The following DTX1 variants were observed in gnomAD, a reference collection of about 807,000 sequenced individuals.
DTX1 encodes the protein E3 ubiquitin-protein ligase DTX1.
DTX1 carries 26 observed loss-of-function variants against 57.8 expected under a neutral mutation model. The observed-to-expected ratio is 0.45, with a 90% CI of 0.33 to 0.62. The LOEUF (loss-of-function observed/expected upper bound fraction) is 0.62. DTX1 is among the 20% of genes least tolerant of loss of function. The probability of loss-of-function intolerance (pLI) is 0.02; values close to 1 mark genes in which losing one functional copy is unlikely to be tolerated. For synonymous variants in DTX1, 398 were observed against 394.1 expected (o/e 1.01, Z -0.12); for missense variants, 704 against 895.3 (o/e 0.79, Z 2.73).
Position 113,096,705 on chromosome 12 carries a change from G to C in DTX1, c.1639-10G>C, listed in dbSNP as rs1432523464. ...CTCCTCCCGGCCCCACTGTGTCCCT[G>C]TCCCCCCAGGTGCTGCGGCTGCTCA... On this transcript the variant is annotated splice_polypyrimidine_tract_variant and intron_variant, in intron 9 of 9. Transcript: ENST00000548759. 6.2e-6 allele frequency: 10 copies of C among 1,606,954 alleles called. No individual in the cohort carries two copies. The highest frequency in any genetic ancestry group is 1.6e-4 in the Middle Eastern group (1 of 6,068).
chr12:113,057,146 C>T (rs534370964), intron 1 of DTX1, among the ~76,000 whole-genome samples: 5 of 152,098 alleles, frequency 3.3e-5, no homozygotes, highest in East Asian at 3.9e-4. Context: ...CATCCCCGTG[C>T]TTCCCGGCGC....
At chr12:113,061,485 C>T (rs1410700969) in intron 2 of DTX1, among the ~76,000 whole-genome samples, 1 of 152,212 alleles carries the variant, frequency 6.6e-6, no homozygotes, top group Admixed American at 6.5e-5. Context: ...AGGGAGCAGA[C>T]CTGAGTGCCA....
intron 2 of DTX1, among the ~76,000 whole-genome samples, chr12:113,059,902 G>A (rs529545336): frequency 1.3e-5 from 2 of 152,348 alleles, no homozygotes; most frequent in East Asian, 3.9e-4. Context: ...AGCCACATGT[G>A]TCTTGTGGTA....
intron 2 of DTX1, among the ~76,000 whole-genome samples, chr12:113,065,566 C>T (rs1206072994): frequency 6.6e-6 from 1 of 152,178 alleles, no homozygotes; most frequent in Non-Finnish European, 1.5e-5. Flanking sequence ...TTCCTCCCAT[C>T]CCCCGCCTCA....
chr12:113,092,017 CCTT>C (rs1592854955), intron 3 of DTX1, among the ~76,000 whole-genome samples: 1 of 152,210 alleles, frequency 6.6e-6, no homozygotes, highest in Admixed American at 6.5e-5. Flanking sequence ...CGCAAGCTCT[CCTT>C]CAGTCCTCCC....
chr12:113,071,410 A>G (rs1414241879), intron 2 of DTX1, among the ~76,000 whole-genome samples: 1 of 152,258 alleles, frequency 6.6e-6, no homozygotes, highest in Non-Finnish European at 1.5e-5. Context: ...CAACAAAGGC[A>G]GAGACACAAA....
intron 3 of DTX1, among the ~76,000 whole-genome samples, chr12:113,091,568 G>A (rs1444769529): frequency 6.6e-6 from 1 of 152,130 alleles, no homozygotes; most frequent in African/African-American, 2.4e-5. Context: ...CTCCATGCAT[G>A]TGTGTATATT....
rs781104104 is a variant in DTX1 at position 113,093,176 on chromosome 12, C to G, written c.956C>G (p.Pro319Arg). ...TCTCCCCGCAGGGTCCCCGCACTCC[C>G]GGTGAAGAACTTGAATGGTACTGGG... The part of the protein sequence containing the change: ...ASIPPGVPAL[P>R]VKNLNGTGPV... Residue 319 changes from proline (P) to arginine (R), a missense_variant, in exon 4 of 10, where the codon CCG (proline) becomes CGG (arginine). Pro to Arg is a moderately radical substitution (Grantham distance 103). Coordinates refer to ENST00000548759, the MANE Select transcript of DTX1 (RefSeq NM_004416.3). The surrounding 1 kb of genome is among the most constrained non-coding windows in gnomAD (Gnocchi z 4.2). The G allele has an allele frequency of 3.1e-6, 5 of 1,599,388 alleles. No individual in the cohort carries two copies. Among genetic ancestry groups the G allele is most frequent in the East Asian group, 2.3e-5 (1 of 44,108 alleles).
At chr12:113,065,515 A>C (rs1592842612) in intron 2 of DTX1, among the ~76,000 whole-genome samples, 1 of 149,986 alleles carries the variant, frequency 6.7e-6, no homozygotes, top group African/African-American at 2.5e-5. Context: ...TCCTCCCCTC[A>C]CCCCTTTCTC....
chr12:113,084,916 C>T (rs1288176885), intron 3 of DTX1, among the ~76,000 whole-genome samples: 4 of 152,194 alleles, frequency 2.6e-5, no homozygotes, highest in Non-Finnish European at 5.9e-5. Flanking sequence ...ACCCTGATTC[C>T]TGTGTGACCC....
chr12:113,087,028 C>G (rs2044864537), intron 3 of DTX1, among the ~76,000 whole-genome samples: 1 of 152,042 alleles, frequency 6.6e-6, no homozygotes, highest in Non-Finnish European at 1.5e-5. Context: ...CGGTCCTGCC[C>G]TCCCCTCCCC....
At position 113,077,659 on chromosome 12, in the gene DTX1, G is replaced by C. The variant is rs1185147040; in HGVS notation, c.495G>C (p.Arg165=). 8 of 1,585,452 alleles carry C rather than the reference G, an allele frequency of 5.0e-6. No individual in the cohort carries two copies. In the African/African-American group the frequency reaches 8.1e-5, roughly 16 times the overall value. ...CGCAGATGAACCGCCAGACGCGCCG[G>C]CGCCGCCGCCTGCGCCGCCGCCTGG... ...SMSQMNRQTR[R]RRRLRRRLDL... Residue 165 remains arginine, a synonymous_variant, in exon 3 of 10, where the codon CGG becomes CGC. Transcript: ENST00000548759. The surrounding 1 kb of genome is among the most constrained non-coding windows in gnomAD (Gnocchi z 7.8).
chr12:113,070,802 CCACGAGTGTGG>C (rs1440506208), intron 2 of DTX1, among the ~76,000 whole-genome samples: 6 of 152,200 alleles, frequency 3.9e-5, no homozygotes, highest in African/African-American at 1.4e-4. Flanking sequence ...TGCCTTTACT[CCACGAGTGTGG>C]CATCATTCCC....
chr12:113,058,444 G>A lies in DTX1; in HGVS notation c.252G>A (p.Gln84=), dbSNP rs1412620403. 6.3e-7 allele frequency: 1 copy of A among 1,599,260 alleles called. No homozygotes were observed. Among genetic ancestry groups the A allele is most frequent in the Non-Finnish European group, 8.5e-7 (1 of 1,177,784 alleles). Residue 84 remains glutamine (Q), a synonymous_variant, in exon 2 of 10, where the codon CAG becomes CAA. Coordinates refer to ENST00000548759, the MANE Select transcript of DTX1 (RefSeq NM_004416.3). ...IDLQSMHQFR[Q]DTGTMRPVRR... Reference sequence around the variant, plus strand: ...TGCAGTCCATGCACCAGTTTCGCCAGGACACAGGTGAGCAGACACCCACCC... The same window carrying A: ...TGCAGTCCATGCACCAGTTTCGCCAAGACACAGGTGAGCAGACACCCACCC...
chr12:113,076,557 A>G (rs1276929508), intron 2 of DTX1, among the ~76,000 whole-genome samples: 2 of 152,050 alleles, frequency 1.3e-5, no homozygotes, highest in African/African-American at 2.4e-5. Flanking sequence ...TGAGCCGAAG[A>G]GTTTGAGACT....
At position 113,077,463 on chromosome 12, in the gene DTX1, C is replaced by A; in HGVS notation, c.299C>A (p.Ser100Ter). The part of the protein sequence containing the change: ...RPVRRNFYDP[S>*]SAPGKGIVWE... Reference sequence around the variant, plus strand: ...GTGCGGCGCAACTTCTACGACCCGTCGTCGGCGCCGGGCAAGGGCATCGTG... The same window carrying A: ...GTGCGGCGCAACTTCTACGACCCGTAGTCGGCGCCGGGCAAGGGCATCGTG... Residue 100 changes from serine to a stop codon, truncating the protein, a stop_gained, in exon 3 of 10, where the codon TCG (serine) becomes TAG (stop). Transcript: ENST00000548759. LOFTEE classifies it high-confidence loss of function. This position sits in a 1 kb window ranked among gnomAD's most constrained non-coding sequence, Gnocchi z 7.8. 2 of 1,611,882 alleles carry A rather than the reference C, an allele frequency of 1.2e-6. No individual in the cohort carries two copies. The highest frequency in any genetic ancestry group is 8.5e-7 in the Non-Finnish European group (1 of 1,179,788).
intron 3 of DTX1, among the ~76,000 whole-genome samples, chr12:113,092,151 G>A (rs1158885498): frequency 6.6e-6 from 1 of 152,158 alleles, no homozygotes; most frequent in Admixed American, 6.5e-5. Context: ...TCTCTAAGAT[G>A]GAGAGAAGTT....
chr12:113,059,747 A>G (rs545052247), intron 2 of DTX1, among the ~76,000 whole-genome samples: 100 of 152,316 alleles, frequency 6.6e-4, no homozygotes, highest in African/African-American at 2.4e-3. Flanking sequence ...CCAGGCTGGT[A>G]GGATGCTCGC....
rs2136420668 is a variant in DTX1 at position 113,058,269 on chromosome 12, T to A, written c.77T>A (p.Val26Glu). ...GFPPQNVARV[V>E]VWEWLNEHSR... is the part of the protein sequence containing the mutation. ...CCACCGCAGAACGTGGCCCGGGTGG[T>A]GGTGTGGGAGTGGCTGAATGAGCAC... Residue 26 changes from valine (V) to glutamate (E), a missense_variant, in exon 2 of 10, where the codon GTG becomes GAG. Val to Glu is a moderately radical substitution (Grantham distance 121). Around this residue, in one of 3 missense-constraint regions of DTX1, gnomAD observed 237 missense variants for 328.6 expected, o/e 0.72. Transcript: ENST00000548759. The A allele has an allele frequency of 6.2e-7, 1 of 1,612,668 alleles. No individual in the cohort carries two copies. Among genetic ancestry groups the A allele is most frequent in the African/African-American group, 1.3e-5 (1 of 74,562 alleles).
Sources: gnomAD v4.1 joint callset for allele counts (sites outside exome capture counted in the v4.1 genomes callset) on GRCh38, gnomAD v4.1.1 for gene constraint, gnomAD v4.1.1 regional missense constraint, Gnocchi (gnomAD v3.1) non-coding constraint, MANE v1.5 for transcripts, NCBI Gene and HGNC (gene_info 2026-07-23, HGNC 2026-07-21) for gene names.